The following SZT2 variants were observed in gnomAD, a reference collection of about 807,000 sequenced individuals.
SZT2 encodes the protein KICSTOR complex protein SZT2.
A neutral mutation model predicts 404.2 loss-of-function variants in SZT2; 216 were observed. The observed-to-expected ratio is 0.53, with a 90% CI of 0.48 to 0.60. The LOEUF (loss-of-function observed/expected upper bound fraction) is 0.60, where lower values mean the gene tolerates loss of function less well. SZT2 is among the 20% of genes least tolerant of loss of function. The pLI is 0.00. For missense variants in SZT2, 3,857 were observed against 4,459.2 expected, an observed-to-expected ratio of 0.86 and a Z score of 3.85; for synonymous variants, 1,693 against 1,749.9, an observed-to-expected ratio of 0.97 and a Z score of 0.81.
Position 43,448,176 on chromosome 1 carries a change from G to A in SZT2, c.9661G>A (p.Glu3221Lys). The A allele has an allele frequency of 6.2e-7, 1 of 1,612,020 alleles. No individual in the cohort carries two copies. Among genetic ancestry groups the A allele is most frequent in the Non-Finnish European group, 8.5e-7 (1 of 1,178,770 alleles). The part of the protein sequence containing the change: ...RFRKPPRLPP[E>K]PEAPGSSAGS... ...CCGGAAGCCACCCAGACTGCCCCCT[G>A]AGCCAGAGGCTCCTGGGAGTTCAGC... The change falls in exon 69 of 72, where the codon GAG (glutamate) becomes AAG (lysine). Residue 3221 changes from glutamate to lysine, a missense_variant. Glu to Lys is a moderately conservative substitution (Grantham distance 56). Coordinates refer to ENST00000634258, the MANE Select transcript of SZT2 (RefSeq NM_001365999.1). This position sits in a 1 kb window ranked among gnomAD's most constrained non-coding sequence, Gnocchi z 4.2.
chr1:43,435,633 G>A (rs1049403014), intron 42 of SZT2: 3 of 250,718 alleles, frequency 1.2e-5, no homozygotes, highest in Non-Finnish European at 2.3e-5. Flanking sequence ...TAGCTTGGCA[G>A]TGAAGAGACA....
chr1:43,441,407 G>T lies in SZT2; in HGVS notation c.7511+27G>T. 6.2e-7 allele frequency: 1 copy of T among 1,612,780 alleles called. No individual in the cohort carries two copies. Among genetic ancestry groups the T allele is most frequent in the Non-Finnish European group, 8.5e-7 (1 of 1,179,116 alleles). On this transcript the variant is annotated intron_variant, in intron 53 of 71. Transcript: ENST00000634258. The surrounding 1 kb of genome is among the most constrained non-coding windows in gnomAD (Gnocchi z 4.8). ...TATGTGTGTGGTGGTGGTGTGCCCT[G>T]GGAGGGTATGGGTGTGAAGTCACAG...
In SZT2 at chr1:43,437,698, T is replaced by C; in HGVS notation, c.6394T>C (p.Ser2132Pro). ...SQEPIYSEEA[S>P]GPRSPLDMVS... ...AGAGCCCATCTACTCTGAGGAAGCCTCGGCATGTATCACTCCCACTCTCTG... is the reference window on the plus strand; with the variant it reads ...AGAGCCCATCTACTCTGAGGAAGCCCCGGCATGTATCACTCCCACTCTCTG... Residue 2132 changes from serine to proline, a missense_variant and splice_region_variant, in exon 45 of 72, where the codon TCG (serine) becomes CCG (proline). Ser to Pro is a moderately conservative substitution (Grantham distance 74). This residue lies in a region of SZT2 where 261 missense variants were observed against 372.9 expected (regional missense o/e 0.70). Coordinates refer to ENST00000634258, the MANE Select transcript of SZT2 (RefSeq NM_001365999.1). The surrounding 1 kb of genome is among the most constrained non-coding windows in gnomAD (Gnocchi z 5.3). 1.2e-6 allele frequency: 2 copies of C among 1,614,078 alleles called. No individual in the cohort carries two copies. The highest frequency in any genetic ancestry group is 1.7e-6 in the Non-Finnish European group (2 of 1,180,002).
chr1:43,397,435 AAAAG>A (rs1649128775), intron 1 of SZT2, among the ~76,000 whole-genome samples: 2 of 151,690 alleles, frequency 1.3e-5, no homozygotes, highest in South Asian at 2.1e-4. Context: ...CAAAAAAAAA[AAAAG>A]AAAAGAAACA....
chr1:43,416,128 TG>T, intron 6 of SZT2, 27 bp downstream of exon 6: 1 of 1,594,396 alleles, frequency 6.3e-7, no homozygotes, highest in South Asian at 1.1e-5. Flanking sequence ...TTGGTGGGAC[TG>T]GGGAAGCAGG....
chr1:43,413,493 T>C (rs986754383), intron 4 of SZT2, among the ~76,000 whole-genome samples: 1 of 152,202 alleles, frequency 6.6e-6, no homozygotes, highest in Non-Finnish European at 1.5e-5. Flanking sequence ...GGAAGAGATA[T>C]CTGCACTCCC....
At chr1:43,436,848 G>T in intron 42 of SZT2, 1 of 375,468 alleles carries the variant, frequency 2.7e-6, no homozygotes, top group Admixed American at 4.3e-5. Context: ...GAGTGCTACT[G>T]ACATATATTA....
intron 1 of SZT2, among the ~76,000 whole-genome samples, chr1:43,399,466 A>ATTTTT (rs58653132): frequency 1.6e-5 from 2 of 121,996 alleles, no homozygotes; most frequent in Non-Finnish European, 3.4e-5. Flanking sequence ...GCCAGAGGGA[A>ATTTTT]TTTTTTTTTT....
chr1:43,430,205 T>G (rs1653693514), intron 30 of SZT2, 102 bp downstream of exon 30: 2 of 1,569,266 alleles, frequency 1.3e-6, no homozygotes, highest in South Asian at 1.1e-5. Flanking sequence ...GGCTCTTGTC[T>G]TGCCTTAGAT....
chr1:43,432,430 C>A lies in SZT2; in HGVS notation c.5433C>A (p.Ile1811=). 6.4e-7 allele frequency: 1 copy of A among 1,558,346 alleles called. No homozygotes were observed. The highest frequency in any genetic ancestry group is 8.7e-7 in the Non-Finnish European group (1 of 1,153,234). The change falls in exon 37 of 72, where the codon ATC becomes ATA. Residue 1811 remains isoleucine, a synonymous_variant. Coordinates refer to ENST00000634258, the MANE Select transcript of SZT2 (RefSeq NM_001365999.1). ...WHSHEDRAEG[I]EGETLTASPQ... ...GTCATGAGGACAGGGCTGAAGGCATCGAAGGGGAGGTGAGTCTCACCTGGG... is the reference window on the plus strand; with the variant it reads ...GTCATGAGGACAGGGCTGAAGGCATAGAAGGGGAGGTGAGTCTCACCTGGG...
At chr1:43,415,905 G>A in intron 5 of SZT2, 55 bp from the exon 6 acceptor site, 1 of 1,550,918 alleles carries the variant, frequency 6.4e-7, no homozygotes, top group South Asian at 1.2e-5. Context: ...GCTTTGCTAT[G>A]GATGGGGCAG....
chr1:43,424,893 C>T lies in SZT2; in HGVS notation c.2550+31C>T. 1.2e-6 allele frequency: 2 copies of T among 1,604,484 alleles called. No homozygotes were observed. Among genetic ancestry groups the T allele is most frequent in the Middle Eastern group, 1.7e-4 (1 of 6,036 alleles). On this transcript the variant is annotated intron_variant, in intron 17 of 71. Transcript: ENST00000634258. This position sits in a 1 kb window ranked among gnomAD's most constrained non-coding sequence, Gnocchi z 4.1. Reference sequence around the variant, plus strand: ...TGCCATCCCCCATGACACCTCCCTGCCAAGGTCTGTCATAATCCCAGGGAC... The same window carrying T: ...TGCCATCCCCCATGACACCTCCCTGTCAAGGTCTGTCATAATCCCAGGGAC...
Position 43,439,697 on chromosome 1 carries a change from C to T in SZT2, c.6970C>T (p.Pro2324Ser). Residue 2324 changes from proline to serine, a missense_variant, in exon 50 of 72, where the codon CCA becomes TCA. Pro to Ser is a moderately conservative substitution (Grantham distance 74, BLOSUM62 -1). Transcript: ENST00000634258. The surrounding 1 kb of genome is among the most constrained non-coding windows in gnomAD (Gnocchi z 4.2). ...CCCCTCCTCTCCGGGGCCCCCAGAC[C>T]CACTGCGAGAGGAGGAATTTGAGCA... Reference protein sequence around the residue: ...WPPSSPGPPDPLREEEFEQLT... With the variant: ...WPPSSPGPPDSLREEEFEQLT... 4 of 1,612,308 alleles carry T rather than the reference C, an allele frequency of 2.5e-6. No homozygotes were observed. The highest frequency in any genetic ancestry group is 3.4e-6 in the Non-Finnish European group (4 of 1,179,148).
chr1:43,404,156 G>A (rs748219452), intron 3 of SZT2: 30 of 546,454 alleles, frequency 5.5e-5, no homozygotes, highest in Middle Eastern at 9.5e-4. Flanking sequence ...ACAGTGAGCC[G>A]GGATCAGGCC....
rs371634115 is a variant in SZT2 at position 43,439,079 on chromosome 1, C to T, written c.6778C>T (p.Arg2260Trp). 1.4e-5 allele frequency: 23 copies of T among 1,614,092 alleles called. No individual in the cohort carries two copies. The highest frequency in any genetic ancestry group is 5.5e-5 in the South Asian group (5 of 91,090). Residue 2260 changes from arginine (R) to tryptophan (W), a missense_variant, in exon 48 of 72, where the codon CGG (arginine) becomes TGG (tryptophan). By Grantham distance (101) the Arg-to-Trp change is moderately radical. Transcript: ENST00000634258. This position sits in a 1 kb window ranked among gnomAD's most constrained non-coding sequence, Gnocchi z 4.2. The part of the protein sequence containing the change: ...HSPKYTDSNS[R>W]NHFQHPLPPQ... ...TCCCAAGTACACAGATAGCAACAGC[C>T]GGAACCACTTCCAAGTGAGATGGCA...
Position 43,426,595 on chromosome 1 carries a change from C to T in SZT2, c.3214+57C>T. 2 of 1,513,010 alleles carry T rather than the reference C, an allele frequency of 1.3e-6. No homozygotes were observed. Among genetic ancestry groups the T allele is most frequent in the Non-Finnish European group, 1.8e-6 (2 of 1,127,520 alleles). 93.7% of individuals were successfully genotyped at this position (1,513,010 alleles called of 1,614,324 possible). A position where few individuals can be genotyped will look rare whatever the true frequency, so the allele number is the denominator to read the frequency against. ...CCTGGCCCAGCCCTTTTCCCCCACC[C>T]TCACAGGGTGATTTCTGTCTTTGAG... On this transcript the variant is annotated intron_variant, in intron 22 of 71. Coordinates refer to ENST00000634258, the MANE Select transcript of SZT2 (RefSeq NM_001365999.1). This position sits in a 1 kb window ranked among gnomAD's most constrained non-coding sequence, Gnocchi z 4.9.
At position 43,430,975 on chromosome 1, in the gene SZT2, C is replaced by T. The variant is rs1653798482; in HGVS notation, c.4801C>T (p.Pro1601Ser). ...CCAGGTGCTTTCCAGTCTGGAGGGCCCCCCAGTTGGAGGCCGAGTTCCCTT... is the reference window on the plus strand; with the variant it reads ...CCAGGTGCTTTCCAGTCTGGAGGGCTCCCCAGTTGGAGGCCGAGTTCCCTT... ...LGQVLSSLEG[P>S]PVGGRVPLRD... Residue 1601 changes from proline (P) to serine (S), a missense_variant, in exon 33 of 72, where the codon CCC becomes TCC. Physicochemically the swap from Pro to Ser is moderately conservative, Grantham distance 74 (BLOSUM62 -1). Transcript: ENST00000634258. 6.2e-6 allele frequency: 10 copies of T among 1,613,966 alleles called. No individual in the cohort carries two copies. Among genetic ancestry groups the T allele is most frequent in the Non-Finnish European group, 8.5e-6 (10 of 1,179,962 alleles).
At chr1:43,391,038 C>T (rs924921018) in intron 1 of SZT2, among the ~76,000 whole-genome samples, 6 of 152,098 alleles carry the variant, frequency 3.9e-5, no homozygotes, top group Non-Finnish European at 4.4e-5. Context: ...CAAAGTAAGC[C>T]GGGCGCAGTG....
At position 43,389,958 on chromosome 1, in the gene SZT2, A is replaced by AG; in HGVS notation, c.-8dup. 6.9e-7 allele frequency: 1 copy of AG among 1,442,944 alleles called. No homozygotes were observed. 89.4% of individuals were successfully genotyped at this position (1,442,944 alleles called of 1,614,324 possible). On this transcript the variant is annotated 5_prime_UTR_variant, in exon 1 of 72. Coordinates refer to ENST00000634258, the MANE Select transcript of SZT2 (RefSeq NM_001365999.1). ...CCTCACTGGCCCGGGCCGGCGCGGG[A>AG]GGGCTGTGTGATGGCCTCGGAGCGC... is the stretch of plus-strand genomic sequence containing the variant.
Sources: allele counts gnomAD v4.1 joint callset (sites outside exome capture counted in the v4.1 genomes callset), GRCh38; gene constraint gnomAD v4.1.1; regional missense constraint gnomAD v4.1.1; non-coding constraint Gnocchi (gnomAD v3.1); transcripts MANE v1.5; gene names NCBI Gene and HGNC (gene_info 2026-07-23, HGNC 2026-07-21).